The following IGHMBP2 variants were observed in gnomAD, a reference collection of about 807,000 sequenced individuals.
IGHMBP2 encodes the protein DNA-binding protein SMUBP-2.
In IGHMBP2, 81 loss-of-function variants were observed where a neutral mutation model predicts 96.0. The observed-to-expected ratio is 0.84, with a 90% CI of 0.71 to 1.01. The LOEUF (loss-of-function observed/expected upper bound fraction) is 1.01. Ranked by LOEUF, IGHMBP2 falls within the 50% of genes least tolerant of loss-of-function variation. IGHMBP2 has a pLI of 0.00. For synonymous variants in IGHMBP2, 557 were observed against 548.9 expected (o/e 1.01, Z -0.21); for missense variants, 1,227 against 1,306.3 (o/e 0.94, Z 0.94).
chr11:68,911,380 G>C, intron 4 of IGHMBP2, 60 bp from the exon 5 acceptor site: 1 of 1,574,574 alleles, frequency 6.4e-7, no homozygotes, highest in Admixed American at 1.7e-5. Flanking sequence ...ACTCTCTGAG[G>C]AGGAACACCC....
chr11:68,931,613 G>A (rs1859303388), intron 8 of IGHMBP2, among the ~76,000 whole-genome samples: 1 of 152,244 alleles, frequency 6.6e-6, no homozygotes, highest in African/African-American at 2.4e-5. Flanking sequence ...AAGGGGCGGG[G>A]CTCCCACTGG....
intron 2 of IGHMBP2, among the ~76,000 whole-genome samples, chr11:68,906,625 T>A (rs1221421487): frequency 6.6e-6 from 1 of 150,546 alleles, no homozygotes; most frequent in Admixed American, 6.7e-5. Context: ...TTAAAATAAT[T>A]TACCCATTTC....
chr11:68,933,374 A>G lies in IGHMBP2; in HGVS notation c.1311A>G (p.Thr437=). The change falls in exon 9 of 15, where the codon ACA becomes ACG. Residue 437 remains threonine, a synonymous_variant. Coordinates refer to ENST00000255078, the MANE Select transcript of IGHMBP2 (RefSeq NM_002180.3). The part of the protein sequence containing the change: ...AEEYGARVVR[T]LTVQYRMHQA... ...AGTACGGCGCGAGGGTGGTGCGGAC[A>G]CTGACGGTGCAGTACCGCATGCACC... 1.2e-6 allele frequency: 2 copies of G among 1,613,222 alleles called. No individual in the cohort carries two copies. The highest frequency in any genetic ancestry group is 1.1e-5 in the South Asian group (1 of 90,894).
chr11:68,915,801 T>C (rs1389679857), intron 6 of IGHMBP2, among the ~76,000 whole-genome samples: 1 of 152,120 alleles, frequency 6.6e-6, no homozygotes, highest in Non-Finnish European at 1.5e-5. Context: ...CCATTTTTGA[T>C]AGAGAACTAT....
chr11:68,935,661 T>G (rs1424696596), intron 12 of IGHMBP2, among the ~76,000 whole-genome samples: 2 of 151,734 alleles, frequency 1.3e-5, no homozygotes, highest in African/African-American at 4.8e-5. Flanking sequence ...GGGCGCAGGG[T>G]GGGCTGGGAA....
At chr11:68,910,693 C>G (rs748770939) in intron 4 of IGHMBP2, among the ~76,000 whole-genome samples, 1 of 152,088 alleles carries the variant, frequency 6.6e-6, no homozygotes, top group East Asian at 1.9e-4. Context: ...ACCATCCTGG[C>G]CAACACGGTG....
At chr11:68,924,907 T>C (rs1009243512) in intron 7 of IGHMBP2, among the ~76,000 whole-genome samples, 3 of 152,168 alleles carry the variant, frequency 2.0e-5, no homozygotes, top group African/African-American at 7.2e-5. Flanking sequence ...ACTTTGAATG[T>C]GGCCCAACAC....
rs1369856594 is a variant in IGHMBP2 at position 68,926,280 on chromosome 11, T to TG, written c.1061-2903_1061-2902insG. On this transcript the variant is annotated intron_variant, in intron 7 of 14. Transcript: ENST00000255078. The stretch of plus-strand genomic sequence containing the variant: ...TCTGTGTGGTGCTTTTTTTTTTTTT[T>TG]TTTTTTTTTTAGATGGAGTCTCGCT... 4.9e-4 allele frequency: 73 copies of TG among 149,006 alleles called. 1 individual carries two copies. The highest frequency in any genetic ancestry group is 1.7e-3 in the African/African-American group (69 of 40,436). The allele number at this position is 149,006 out of a possible 1,614,324, so 9.2% of individuals were successfully genotyped here.
At chr11:68,916,653 G>A (rs1858682716) in intron 6 of IGHMBP2, among the ~76,000 whole-genome samples, 1 of 152,178 alleles carries the variant, frequency 6.6e-6, no homozygotes, top group Non-Finnish European at 1.5e-5. Context: ...AGTGGCGGCA[G>A]CAGAGAGGGT....
Position 68,936,850 on chromosome 11 carries a change from A to G in IGHMBP2, c.2370A>G (p.Arg790=). Residue 790 remains arginine (R), a synonymous_variant, in exon 13 of 15, where the codon CGA becomes CGG. Transcript: ENST00000255078. ...TGAGCAAGAGGGCCCCGCGACCCCG[A>G]GCAGCCCTGGGACCCCCAGCAGGGA... ...ITVSKRAPRP[R]AALGPPAGTG... 6.2e-7 allele frequency: 1 copy of G among 1,613,316 alleles called. No individual in the cohort carries two copies. Among genetic ancestry groups the G allele is most frequent in the Non-Finnish European group, 8.5e-7 (1 of 1,179,960 alleles).
At chr11:68,920,385 A>T (rs922618419) in intron 7 of IGHMBP2, among the ~76,000 whole-genome samples, 4 of 152,206 alleles carry the variant, frequency 2.6e-5, no homozygotes, top group Admixed American at 6.5e-5. Flanking sequence ...GGCGTGAGCC[A>T]TTGCACCCAG....
intron 10 of IGHMBP2, 46 bp from the exon 11 acceptor site, chr11:68,934,418 C>A: frequency 1.4e-6 from 2 of 1,436,442 alleles, no homozygotes; most frequent in Non-Finnish European, 9.7e-7. Flanking sequence ...TGGATGCCCA[C>A]TTGGGGCGAC....
intron 6 of IGHMBP2, among the ~76,000 whole-genome samples, chr11:68,916,975 CTT>C (rs11418103): frequency 0.015 from 1,565 of 103,260 alleles, 12 homozygotes; most frequent in South Asian, 0.031. Flanking sequence ...AAGGTTACAT[CTT>C]TTTTTTTTTT....
chr11:68,938,128 T>A, intron 13 of IGHMBP2, 54 bp from the exon 14 acceptor site: 3 of 1,593,918 alleles, frequency 1.9e-6, no homozygotes, highest in Non-Finnish European at 2.6e-6. Context: ...AAACCTTAAA[T>A]GAGGGGCCAG....
chr11:68,936,098 C>T lies in IGHMBP2; in HGVS notation c.1757-139C>T, dbSNP rs563493289. 282 of 929,192 alleles carry T rather than the reference C, an allele frequency of 3.0e-4. 4 individuals carry two copies. In the South Asian group the frequency reaches 3.4e-3, roughly 11 times the overall value. 57.6% of individuals were successfully genotyped at this position (929,192 alleles called of 1,614,324 possible). A position where few individuals can be genotyped will look rare whatever the true frequency, so the allele number is the denominator to read the frequency against. On this transcript the variant is annotated intron_variant, in intron 12 of 14. Transcript: ENST00000255078. ...GCAGGTGTGGCATCACGGTGCCACG[C>T]GTGGCCGGGCACCCGTGTGGATGGT...
rs1185521037 is a variant in IGHMBP2, at chr11:68,935,533, A to G, written c.1756+111A>G. On this transcript the variant is annotated intron_variant, in intron 12 of 14. Transcript: ENST00000255078. Reference sequence around the variant, plus strand: ...CACACTGGTTTCTGGCAGTGTGCTCATGGTGCACCTTCTGTCCTTAGTAAG... The same window carrying G: ...CACACTGGTTTCTGGCAGTGTGCTCGTGGTGCACCTTCTGTCCTTAGTAAG... The G allele has an allele frequency of 1.4e-5, 19 of 1,315,678 alleles. No individual in the cohort carries two copies. The East Asian group carries it at 4.2e-4, about 29-fold the overall frequency. 81.5% of individuals were successfully genotyped at this position (1,315,678 alleles called of 1,614,324 possible).
intron 8 of IGHMBP2, chr11:68,930,237 GC>G: frequency 2.4e-6 from 3 of 1,266,572 alleles, no homozygotes; most frequent in Non-Finnish European, 3.1e-6. Context: ...CTGCATCCTG[GC>G]CCTCACTTCC....
chr11:68,925,215 G>A (rs1859021654), intron 7 of IGHMBP2, among the ~76,000 whole-genome samples: 1 of 140,836 alleles, frequency 7.1e-6, no homozygotes, highest in Non-Finnish European at 1.5e-5. Flanking sequence ...GCACAATCTT[G>A]ATTCACTGCA....
chr11:68,911,674 G>A, intron 5 of IGHMBP2, 71 bp downstream of exon 5: 1 of 1,454,854 alleles, frequency 6.9e-7, no homozygotes, highest in Admixed American at 1.7e-5. Context: ...TGGGTGCTCA[G>A]CGACCTTTCA....
Sources: gnomAD v4.1 joint callset for allele counts (sites outside exome capture counted in the v4.1 genomes callset) on GRCh38, gnomAD v4.1.1 for gene constraint, MANE v1.5 for transcripts, NCBI Gene and HGNC (gene_info 2026-07-23, HGNC 2026-07-21) for gene names.